KLHL1: variants seen among roughly 807,000 people sequenced by gnomAD.
The protein encoded by KLHL1 is kelch-like protein 1.
Under a neutral mutation model 77.7 loss-of-function variants are expected in KLHL1, and 47 were observed. The observed-to-expected ratio is 0.60, with a 90% CI of 0.48 to 0.77. KLHL1 has a LOEUF of 0.77. Among genes scored for constraint, KLHL1 ranks in the 30% least tolerant of loss-of-function variants. KLHL1 has a pLI of 0.00. For synonymous variants in KLHL1, 360 were observed against 325.2 expected (o/e 1.11, Z -1.15); for missense variants, 925 against 910.8 (o/e 1.02, Z -0.20).
chr13:69,934,569 A>G (rs1883109115), intron 4 of KLHL1, among the ~76,000 whole-genome samples: 1 of 151,976 alleles, frequency 6.6e-6, no homozygotes, highest in East Asian at 1.9e-4. Flanking sequence ...TTAAAATTAA[A>G]CCTTTGTCCT....
intron 9 of KLHL1, among the ~76,000 whole-genome samples, chr13:69,711,955 T>G (rs1298821705): frequency 2.0e-5 from 3 of 152,140 alleles, no homozygotes; most frequent in Admixed American, 2.0e-4. Flanking sequence ...TAATTTGCAT[T>G]TCCCTGACGA....
At chr13:69,967,907 A>T (rs1301392959) in intron 2 of KLHL1, among the ~76,000 whole-genome samples, 3 of 152,058 alleles carry the variant, frequency 2.0e-5, no homozygotes, top group Admixed American at 6.6e-5. Context: ...AAAAGAAATA[A>T]AAAAGAATAT....
At chr13:69,784,647 T>C (rs1329288432) in intron 7 of KLHL1, among the ~76,000 whole-genome samples, 2 of 151,446 alleles carry the variant, frequency 1.3e-5, no homozygotes, top group Middle Eastern at 3.4e-3. Context: ...ATCCTAAATA[T>C]ATATGCACCC....
chr13:69,767,800 T>C (rs1176167308), intron 7 of KLHL1, among the ~76,000 whole-genome samples: 1 of 152,166 alleles, frequency 6.6e-6, no homozygotes, highest in East Asian at 1.9e-4. Context: ...TGATCTTCAA[T>C]GATTCTTGAT....
chr13:69,852,890 C>T (rs922315352), intron 5 of KLHL1, among the ~76,000 whole-genome samples: 1 of 151,914 alleles, frequency 6.6e-6, no homozygotes, highest in African/African-American at 2.4e-5. Context: ...ATTTATTAAT[C>T]TTGATACCAA....
chr13:69,707,316 C>T (rs1875668724), intron 10 of KLHL1, among the ~76,000 whole-genome samples: 1 of 151,798 alleles, frequency 6.6e-6, no homozygotes, highest in Non-Finnish European at 1.5e-5. Context: ...TTTTGTGAAC[C>T]AATATATTAC....
rs879782405 is a variant in KLHL1, at chr13:69,719,209, T to TGTGTGTGTGTGTGAGAGA, written c.2015+159_2015+160insTCTCTCACACACACACAC. 2.5e-3 allele frequency among the ~76,000 whole-genome samples: 93 copies of TGTGTGTGTGTGTGAGAGA among 36,908 alleles called. 1 individual carries two copies. The highest frequency in any genetic ancestry group is 4.6e-3 in the African/African-American group (87 of 19,000). 24.2% of individuals were successfully genotyped at this position (36,908 alleles called of 152,430 possible). On this transcript the variant is annotated intron_variant, in intron 9 of 10. Transcript: ENST00000377844. ...GTGTGTGTGTGTGTGTGTGTGTGTGTGAGAGAGAGAGAGAGAGAGAGAGAG... is the reference window on the plus strand; with the variant it reads ...GTGTGTGTGTGTGTGTGTGTGTGTGTGTGTGTGTGTGTGAGAGAGAGAGAGAGAGAGAGAGAGAGAGAG...
chr13:69,994,058 A>G (rs1031306714), intron 1 of KLHL1, among the ~76,000 whole-genome samples: 2 of 151,978 alleles, frequency 1.3e-5, no homozygotes, highest in African/African-American at 4.8e-5. Context: ...ACAAAGGACT[A>G]ATGATAAGCT....
At chr13:69,919,764 C>G (rs1882572231) in intron 4 of KLHL1, among the ~76,000 whole-genome samples, 1 of 151,964 alleles carries the variant, frequency 6.6e-6, no homozygotes, top group African/African-American at 2.4e-5. Flanking sequence ...CTATACTTGG[C>G]CCTGTCTCAT....
At chr13:69,820,089 T>C (rs1202151973) in intron 6 of KLHL1, among the ~76,000 whole-genome samples, 1 of 152,162 alleles carries the variant, frequency 6.6e-6, no homozygotes, top group Admixed American at 6.5e-5. Flanking sequence ...GGCTTGTATC[T>C]ATTAAGTAGG....
intron 9 of KLHL1, among the ~76,000 whole-genome samples, chr13:69,715,813 G>A (rs1056911540): frequency 4.6e-5 from 7 of 151,998 alleles, no homozygotes; most frequent in Non-Finnish European, 1.0e-4. Context: ...AAAGGTTTGG[G>A]GGAGGAAGGG....
intron 5 of KLHL1, among the ~76,000 whole-genome samples, chr13:69,847,211 T>A (rs1453000105): frequency 6.6e-6 from 1 of 151,362 alleles, no homozygotes; most frequent in Non-Finnish European, 1.5e-5. Flanking sequence ...ATTACATAAA[T>A]GACATACACT....
At chr13:69,747,577 G>GGACAATATAAAAAGGAAATTCAT (rs1333686278) in intron 7 of KLHL1, among the ~76,000 whole-genome samples, 3 of 151,320 alleles carry the variant, frequency 2.0e-5, no homozygotes, top group African/African-American at 7.3e-5. Context: ...CAAGCCTCAG[G>GGACAATATAAAAAGGAAATTCAT]GACAATATAA....
chr13:70,040,893 A>T (rs1416151428), intron 1 of KLHL1, among the ~76,000 whole-genome samples: 2 of 152,148 alleles, frequency 1.3e-5, no homozygotes, highest in Non-Finnish European at 2.9e-5. Flanking sequence ...TGTATCCTAC[A>T]TGTCCCTGAG....
intron 10 of KLHL1, among the ~76,000 whole-genome samples, chr13:69,702,640 T>C (rs1050944260): frequency 6.6e-6 from 1 of 151,706 alleles, no homozygotes; most frequent in South Asian, 2.1e-4. Flanking sequence ...GCTCTAAACA[T>C]GAAAATTACC....
At chr13:70,084,244 C>G (rs547775041) in intron 1 of KLHL1, among the ~76,000 whole-genome samples, 9 of 152,128 alleles carry the variant, frequency 5.9e-5, no homozygotes, top group African/African-American at 2.2e-4. Flanking sequence ...AATGTATCAC[C>G]AATTTCAGAA....
chr13:70,039,572 G>GA (rs1555292653), intron 1 of KLHL1, among the ~76,000 whole-genome samples: 1 of 141,554 alleles, frequency 7.1e-6, no homozygotes, highest in Non-Finnish European at 1.6e-5. Context: ...ATTTTATTTA[G>GA]TTTTTTTTTC....
chr13:69,837,642 A>ATG lies in KLHL1; in HGVS notation c.1414+1332_1414+1333dup, dbSNP rs1299211389. On this transcript the variant is annotated intron_variant, in intron 6 of 10. Coordinates refer to ENST00000377844, the MANE Select transcript of KLHL1 (RefSeq NM_020866.3). ...TATATATGTGTGTGTATATATATAT[A>ATG]TGTGTATATATATATGTGTGTGTGT... is the stretch of plus-strand genomic sequence containing the variant. Among the ~76,000 whole-genome samples the ATG allele has an allele frequency of 5.7e-4, 77 of 135,234 alleles. 3 individuals are homozygous for ATG. The highest frequency in any genetic ancestry group is 2.1e-3 in the African/African-American group (69 of 32,712). The allele number at this position is 135,234 out of a possible 152,430, so 88.7% of individuals were successfully genotyped here. A position where few individuals can be genotyped will look rare whatever the true frequency, so the allele number is the denominator to read the frequency against.
intron 7 of KLHL1, among the ~76,000 whole-genome samples, chr13:69,748,671 A>G (rs1874330785): frequency 1.3e-5 from 2 of 152,048 alleles, no homozygotes; most frequent in Non-Finnish European, 2.9e-5. Flanking sequence ...TTTAAAGAGT[A>G]TATAACTCAT....
Sources: allele counts gnomAD v4.1 joint callset (sites outside exome capture counted in the v4.1 genomes callset), GRCh38; gene constraint gnomAD v4.1.1; transcripts MANE v1.5; gene names NCBI Gene and HGNC (gene_info 2026-07-23, HGNC 2026-07-21).